Variants in ADGRB3 observed in about 807,000 individuals in gnomAD.
The protein encoded by ADGRB3 is adhesion G protein-coupled receptor B3.
In ADGRB3, 37 loss-of-function variants were observed where a neutral mutation model predicts 193.4. That is an observed-to-expected ratio of 0.19 (90% CI 0.15 to 0.25). The LOEUF is 0.25. ADGRB3 is among the 10% of genes least tolerant of loss of function. The probability of loss-of-function intolerance (pLI) is 1.00; values close to 1 mark genes in which losing one functional copy is unlikely to be tolerated. For missense variants in ADGRB3, 1,637 were observed against 1,852.9 expected (o/e 0.88, Z 2.14); for synonymous variants, 690 against 644.2 (o/e 1.07, Z -1.08).
chr6:69,100,422 A>C (rs1177286843), intron 17 of ADGRB3, among the ~76,000 whole-genome samples: 1 of 152,214 alleles, frequency 6.6e-6, no homozygotes, highest in Admixed American at 6.5e-5. Flanking sequence ...CATGAAAATG[A>C]ATTCTATAAA....
chr6:69,109,495 A>G (rs1252314376), intron 17 of ADGRB3, among the ~76,000 whole-genome samples: 1 of 152,234 alleles, frequency 6.6e-6, no homozygotes, highest in Non-Finnish European at 1.5e-5. Flanking sequence ...ACTGATTACT[A>G]GAAAACATGC....
intron 3 of ADGRB3, among the ~76,000 whole-genome samples, chr6:68,892,269 C>T (rs1278291864): frequency 1.3e-5 from 2 of 152,168 alleles, no homozygotes; most frequent in Admixed American, 6.5e-5. Context: ...AGGATCCAAA[C>T]TACTGAAGCA....
At chr6:68,642,435 C>A (rs181611636) in intron 3 of ADGRB3, among the ~76,000 whole-genome samples, 1 of 152,198 alleles carries the variant, frequency 6.6e-6, no homozygotes, top group African/African-American at 2.4e-5. Context: ...CTAGAACCTT[C>A]TTTAATAATA....
At chr6:69,352,385 C>T (rs1222839202) in intron 26 of ADGRB3, among the ~76,000 whole-genome samples, 4 of 152,198 alleles carry the variant, frequency 2.6e-5, no homozygotes, top group African/African-American at 7.2e-5. Context: ...GATTTCACTA[C>T]GTCTGTACTT....
chr6:68,883,491 G>A (rs1765797213), intron 3 of ADGRB3, among the ~76,000 whole-genome samples: 1 of 152,160 alleles, frequency 6.6e-6, no homozygotes, highest in South Asian at 2.1e-4. Flanking sequence ...CTCGCTCATT[G>A]GGTCTGTACT....
chr6:68,759,537 T>C (rs1766356066), intron 3 of ADGRB3, among the ~76,000 whole-genome samples: 1 of 152,130 alleles, frequency 6.6e-6, no homozygotes, highest in Non-Finnish European at 1.5e-5. Context: ...GCTATGTGTG[T>C]AACTTTAAGC....
intron 13 of ADGRB3, among the ~76,000 whole-genome samples, chr6:69,044,045 A>C (rs997960716): frequency 1.3e-5 from 2 of 152,094 alleles, no homozygotes; most frequent in African/African-American, 4.8e-5. Flanking sequence ...CGTCTCAAAA[A>C]AACAAAAACA....
rs992031032 is a variant in ADGRB3, at chr6:68,648,996, A to G, written c.757+9564A>G. On this transcript the variant is annotated intron_variant, in intron 3 of 31. Transcript: ENST00000370598. ...TCTAGTTTGCAAAGTTCTATTGCACATATTGTTTTGTATGGGCAATAACTG... is the reference window on the plus strand; with the variant it reads ...TCTAGTTTGCAAAGTTCTATTGCACGTATTGTTTTGTATGGGCAATAACTG... Among the ~76,000 whole-genome samples, 8 of 152,046 alleles carry G rather than the reference A, an allele frequency of 5.3e-5. No homozygotes were observed. In the East Asian group the frequency reaches 1.5e-3, roughly 29 times the overall value.
chr6:69,208,729 C>T (rs547589634), intron 17 of ADGRB3, among the ~76,000 whole-genome samples: 3 of 152,288 alleles, frequency 2.0e-5, no homozygotes, highest in Non-Finnish European at 2.9e-5. Flanking sequence ...GAGTGGAGAC[C>T]ATGGCCATTT....
chr6:68,935,167 C>T (rs1327788554), intron 4 of ADGRB3, among the ~76,000 whole-genome samples: 1 of 152,174 alleles, frequency 6.6e-6, no homozygotes, highest in East Asian at 1.9e-4. Flanking sequence ...TATGGTCTCT[C>T]AAAGGAATAA....
intron 17 of ADGRB3, among the ~76,000 whole-genome samples, chr6:69,187,982 T>G (rs138614039): frequency 1.8e-3 from 268 of 152,318 alleles, no homozygotes; most frequent in African/African-American, 6.2e-3. Flanking sequence ...GTCCAAGTGA[T>G]GACTAAACAG....
chr6:69,331,466 C>G, intron 23 of ADGRB3: 1 of 827,130 alleles, frequency 1.2e-6, no homozygotes. Flanking sequence ...TCTTGAATGA[C>G]TCATTCAAAA....
intron 17 of ADGRB3, among the ~76,000 whole-genome samples, chr6:69,180,712 A>G (rs375770338): frequency 3.9e-4 from 60 of 152,318 alleles, no homozygotes; most frequent in African/African-American, 1.4e-3. Flanking sequence ...CAGGCCTGCA[A>G]TGGGGAGAGC....
chr6:68,952,386 A>G (rs1205545557), intron 6 of ADGRB3, among the ~76,000 whole-genome samples: 2 of 152,094 alleles, frequency 1.3e-5, no homozygotes, highest in African/African-American at 2.4e-5. Flanking sequence ...GTGTTTATAT[A>G]TATATAGTCT....
At chr6:69,162,817 TG>T (rs1447061844) in intron 17 of ADGRB3, among the ~76,000 whole-genome samples, 3 of 152,136 alleles carry the variant, frequency 2.0e-5, no homozygotes, top group African/African-American at 7.2e-5. Context: ...GAGTACATGG[TG>T]CTTTAATTAT....
At chr6:68,734,151 G>A (rs891728152) in intron 3 of ADGRB3, among the ~76,000 whole-genome samples, 4 of 151,322 alleles carry the variant, frequency 2.6e-5, no homozygotes, top group Non-Finnish European at 5.9e-5. Flanking sequence ...TACATTTGAA[G>A]ACAAAACAAA....
intron 17 of ADGRB3, among the ~76,000 whole-genome samples, chr6:69,219,511 GTA>G (rs1350251803): frequency 1.8e-5 from 2 of 110,454 alleles, no homozygotes; most frequent in Admixed American, 1.9e-4. Context: ...GTGTATATAG[GTA>G]TATATGTGTG....
At chr6:68,973,578 T>G (rs943781566) in intron 8 of ADGRB3, among the ~76,000 whole-genome samples, 2 of 152,190 alleles carry the variant, frequency 1.3e-5, no homozygotes, top group Admixed American at 6.5e-5. Context: ...CTGTGTTTAT[T>G]TAGGTACTTA....
chr6:68,936,902 T>G (rs1041981153), intron 5 of ADGRB3, among the ~76,000 whole-genome samples: 1 of 152,244 alleles, frequency 6.6e-6, no homozygotes, highest in South Asian at 2.1e-4. Context: ...ACTGCAAATA[T>G]CAGTTTCTAA....
Sources: gnomAD v4.1 joint callset for allele counts (sites outside exome capture counted in the v4.1 genomes callset) on GRCh38, gnomAD v4.1.1 for gene constraint, MANE v1.5 for transcripts, NCBI Gene and HGNC (gene_info 2026-07-23, HGNC 2026-07-21) for gene names.